PRDM10: variants seen among roughly 807,000 people sequenced by gnomAD.
PRDM10 encodes PR domain zinc finger protein 10.
PRDM10 carries 65 observed loss-of-function variants against 133.1 expected under a neutral mutation model. The ratio of observed to expected loss-of-function variants is 0.49; its 90% CI spans 0.40 to 0.60. The LOEUF is 0.60. Ranked by LOEUF, PRDM10 falls within the 20% of genes least tolerant of loss-of-function variation. The probability of loss-of-function intolerance (pLI) is 0.00; values close to 1 mark genes in which losing one functional copy is unlikely to be tolerated. For missense variants in PRDM10, 1,137 were observed against 1,507.1 expected (o/e 0.75, Z 4.07); for synonymous variants, 582 against 580.4 (o/e 1.00, Z -0.04).
chr11:129,972,013 T>C (rs1235902283), intron 1 of PRDM10, among the ~76,000 whole-genome samples: 2 of 152,114 alleles, frequency 1.3e-5, no homozygotes, highest in Non-Finnish European at 2.9e-5. Flanking sequence ...AGAAATCGAG[T>C]GCAGCGCCAG....
intron 13 of PRDM10, among the ~76,000 whole-genome samples, chr11:129,919,145 C>T (rs1950447039): frequency 6.6e-6 from 1 of 152,086 alleles, no homozygotes; most frequent in South Asian, 2.1e-4. Context: ...CCGACAAGGG[C>T]GGATCACCTG....
At position 129,924,914 on chromosome 11, in the gene PRDM10, T is replaced by G. The variant is rs372612223; in HGVS notation, c.1846A>C (p.Thr616Pro). Residue 616 changes from threonine to proline, a missense_variant, in exon 12 of 21, where the codon ACT (threonine) becomes CCT (proline). By Grantham distance (38) the Thr-to-Pro change is conservative (BLOSUM62 -1). Coordinates refer to ENST00000360871, the MANE Select transcript of PRDM10 (RefSeq NM_199437.2). The stretch of plus-strand genomic sequence containing the variant: ...AAATCTGGGAACCGTTTCTTACAAG[T>G]TGGGCAGGTGAAGTAGCCATCATTG... ...HINDGYFTCP[T>P]CKKRFPDFIQ... is the part of the protein sequence containing the mutation. 6.2e-7 allele frequency: 1 copy of G among 1,611,632 alleles called. No homozygotes were observed. The highest frequency in any genetic ancestry group is 8.5e-7 in the Non-Finnish European group (1 of 1,178,964).
At chr11:129,951,817 G>C (rs1951589069) in intron 4 of PRDM10, among the ~76,000 whole-genome samples, 1 of 152,024 alleles carries the variant, frequency 6.6e-6, no homozygotes, top group Admixed American at 6.5e-5. Flanking sequence ...GGAGACCACT[G>C]ATGCCTTTCT....
chr11:129,910,419 C>T, intron 19 of PRDM10, 57 bp downstream of exon 19: 2 of 1,603,548 alleles, frequency 1.2e-6, no homozygotes, highest in Admixed American at 3.4e-5. Context: ...GAAATTATGA[C>T]ACATGGCTGG....
chr11:129,994,478 A>G (rs540710103), intron 1 of PRDM10, among the ~76,000 whole-genome samples: 2 of 151,080 alleles, frequency 1.3e-5, no homozygotes, highest in African/African-American at 4.8e-5. Context: ...AAAAAAAAAA[A>G]AAAAAGAAAC....
intron 13 of PRDM10, among the ~76,000 whole-genome samples, chr11:129,919,513 T>A (rs1950459274): frequency 6.6e-6 from 1 of 152,172 alleles, no homozygotes; most frequent in African/African-American, 2.4e-5. Flanking sequence ...AGTAAACAAA[T>A]CCATTGTTCA....
At chr11:129,992,925 T>C (rs540029067) in intron 1 of PRDM10, among the ~76,000 whole-genome samples, 5 of 152,346 alleles carry the variant, frequency 3.3e-5, no homozygotes, top group South Asian at 4.1e-4. Flanking sequence ...GAAATAGTAA[T>C]TGAATCAGTA....
At chr11:129,941,050 T>C (rs1034814130) in intron 7 of PRDM10, among the ~76,000 whole-genome samples, 2 of 152,190 alleles carry the variant, frequency 1.3e-5, no homozygotes, top group Admixed American at 6.5e-5. Flanking sequence ...CTTTTACATG[T>C]TTTCTTTGGG....
chr11:129,923,268 T>C lies in PRDM10; in HGVS notation c.2014A>G (p.Thr672Ala). ...HSDRKDFLCSTCGKQFKRKDK... is the reference protein window; with the variant it reads ...HSDRKDFLCSACGKQFKRKDK... Reference sequence around the variant, plus strand: ...CATACCTTAAATTGCTTCCCACAGGTGGAACACAGGAAGTCTTTGCGGTCC... The same window carrying C: ...CATACCTTAAATTGCTTCCCACAGGCGGAACACAGGAAGTCTTTGCGGTCC... Residue 672 changes from threonine to alanine, a missense_variant, in exon 13 of 21, where the codon ACC becomes GCC. By Grantham distance (58) the Thr-to-Ala change is moderately conservative. Coordinates refer to ENST00000360871, the MANE Select transcript of PRDM10 (RefSeq NM_199437.2). The surrounding 1 kb of genome is among the most constrained non-coding windows in gnomAD (Gnocchi z 4.4). The C allele has an allele frequency of 6.3e-7, 1 of 1,589,166 alleles. No individual in the cohort carries two copies.
At chr11:130,001,877 G>GGCCTCC (rs1023160036) in intron 1 of PRDM10, among the ~76,000 whole-genome samples, 5 of 151,852 alleles carry the variant, frequency 3.3e-5, no homozygotes, top group East Asian at 3.9e-4. Flanking sequence ...CCCCGGCCTC[G>GGCCTCC]GCCTCCGCCT....
intron 1 of PRDM10, among the ~76,000 whole-genome samples, chr11:129,987,098 A>G (rs979705025): frequency 6.6e-6 from 1 of 152,236 alleles, no homozygotes; most frequent in Admixed American, 6.5e-5. Flanking sequence ...CACACAGATT[A>G]TAAACTCTCC....
chr11:129,918,861 A>T lies in PRDM10; in HGVS notation c.2035-143T>A. ...TTGAGTTGCTGGAACACTAGGACGC[A>T]GACATGTTAAAAGTGGCTGGGAGTT... On this transcript the variant is annotated intron_variant, in intron 13 of 20. Coordinates refer to ENST00000360871, the MANE Select transcript of PRDM10 (RefSeq NM_199437.2). This position sits in a 1 kb window ranked among gnomAD's most constrained non-coding sequence, Gnocchi z 5.3. 1.2e-6 allele frequency: 1 copy of T among 815,908 alleles called. No homozygotes were observed. The highest frequency in any genetic ancestry group is 2.6e-5 in the East Asian group (1 of 38,766). 50.5% of individuals were successfully genotyped at this position (815,908 alleles called of 1,614,324 possible). A position where few individuals can be genotyped will look rare whatever the true frequency, so the allele number is the denominator to read the frequency against.
chr11:129,932,543 T>G (rs1228830841), intron 9 of PRDM10, among the ~76,000 whole-genome samples: 1 of 152,210 alleles, frequency 6.6e-6, no homozygotes, highest in Non-Finnish European at 1.5e-5. Flanking sequence ...ATGCTAAGCC[T>G]TTGAGCGTGT....
intron 2 of PRDM10, among the ~76,000 whole-genome samples, chr11:129,959,621 T>A (rs781373949): frequency 3.9e-5 from 6 of 152,192 alleles, no homozygotes; most frequent in Non-Finnish European, 7.3e-5. Flanking sequence ...TTGTTTTGCT[T>A]TTTAATGAAC....
Position 129,955,582 on chromosome 11 carries a change from A to G in PRDM10, c.235-11T>C. On this transcript the variant is annotated splice_polypyrimidine_tract_variant and intron_variant, in intron 3 of 20. Coordinates refer to ENST00000360871, the MANE Select transcript of PRDM10 (RefSeq NM_199437.2). ...GTCTGTAAACAGAGTCTAAACAAAC[A>G]AACGAACAAAAAATTATCAGTAGCT... The G allele has an allele frequency of 1.2e-6, 2 of 1,613,210 alleles. No individual in the cohort carries two copies.
At chr11:129,993,813 T>C (rs1267606086) in intron 1 of PRDM10, among the ~76,000 whole-genome samples, 3 of 152,208 alleles carry the variant, frequency 2.0e-5, no homozygotes, top group African/African-American at 4.8e-5. Context: ...ATAACTCTTC[T>C]TGATCTCTAG....
chr11:129,988,653 G>A (rs557809503), intron 1 of PRDM10, among the ~76,000 whole-genome samples: 7 of 150,118 alleles, frequency 4.7e-5, no homozygotes, highest in African/African-American at 1.2e-4. Context: ...TTTTTGAGAC[G>A]GAATCTCGCT....
At chr11:129,980,088 T>C (rs1938020036) in intron 1 of PRDM10, among the ~76,000 whole-genome samples, 1 of 152,230 alleles carries the variant, frequency 6.6e-6, no homozygotes, top group Non-Finnish European at 1.5e-5. Flanking sequence ...CCTCACAGGC[T>C]GCTGGTGGGA....
rs573265280 is a variant in PRDM10 at position 129,906,284 on chromosome 11, G to A, written c.3164-543C>T. On this transcript the variant is annotated intron_variant, in intron 19 of 20. Transcript: ENST00000360871. Reference sequence around the variant, plus strand: ...CCAGACCTGGGCAGAAAGCTTGTGAGACAGTTGTGGGGCATCGTGTCTTCC... The same window carrying A: ...CCAGACCTGGGCAGAAAGCTTGTGAAACAGTTGTGGGGCATCGTGTCTTCC... Among the ~76,000 whole-genome samples the A allele has an allele frequency of 4.6e-5, 7 of 152,296 alleles. No homozygotes were observed. In the East Asian group the frequency reaches 1.4e-3, roughly 29 times the overall value.
Sources: allele counts gnomAD v4.1 joint callset (sites outside exome capture counted in the v4.1 genomes callset), GRCh38; gene constraint gnomAD v4.1.1; non-coding constraint Gnocchi (gnomAD v3.1); transcripts MANE v1.5; gene names NCBI Gene and HGNC (gene_info 2026-07-23, HGNC 2026-07-21).